The following MACROD2 variants were observed in gnomAD, a reference collection of about 807,000 sequenced individuals.
MACROD2 encodes the protein ADP-ribose glycohydrolase MACROD2.
In MACROD2, 36 loss-of-function variants were observed where a neutral mutation model predicts 70.4. That is an observed-to-expected ratio of 0.51 (90% confidence interval 0.39 to 0.68). MACROD2 has a LOEUF of 0.68. MACROD2 is among the 30% of genes least tolerant of loss of function. MACROD2 has a pLI of 0.00. For missense variants in MACROD2, 496 were observed against 538.4 expected, an observed-to-expected ratio of 0.92 and a Z score of 0.78; for synonymous variants, 172 against 178.8, an observed-to-expected ratio of 0.96 and a Z score of 0.30.
At chr20:14,711,147 T>G (rs1336813029) in intron 5 of MACROD2, among the ~76,000 whole-genome samples, 2 of 152,224 alleles carry the variant, frequency 1.3e-5, no homozygotes, top group Admixed American at 1.3e-4. Flanking sequence ...AGAAAGTTGC[T>G]CAGATTGCTC....
At chr20:15,819,146 C>T (rs1293115548) in intron 8 of MACROD2, among the ~76,000 whole-genome samples, 2 of 149,404 alleles carry the variant, frequency 1.3e-5, no homozygotes, top group Admixed American at 1.3e-4. Flanking sequence ...CTGAAAACAA[C>T]CTGTAAATTG....
At chr20:14,197,273 G>A (rs952535873) in intron 3 of MACROD2, among the ~76,000 whole-genome samples, 1 of 152,174 alleles carries the variant, frequency 6.6e-6, no homozygotes, top group African/African-American at 2.4e-5. Flanking sequence ...AGGAAAAGTA[G>A]CCTGGATAAT....
chr20:15,484,697 T>C (rs2047142669), intron 7 of MACROD2, among the ~76,000 whole-genome samples: 1 of 152,196 alleles, frequency 6.6e-6, no homozygotes, highest in South Asian at 2.1e-4. Context: ...TTCTCTAATA[T>C]TCATTGTGAG....
intron 4 of MACROD2, among the ~76,000 whole-genome samples, chr20:14,658,865 C>T (rs1170330422): frequency 2.0e-5 from 3 of 152,164 alleles, no homozygotes; most frequent in South Asian, 2.1e-4. Flanking sequence ...CCACATGCCT[C>T]GGCCTCCCAG....
rs76913684 is a variant in MACROD2 at position 15,355,878 on chromosome 20, C to A, written c.541-75527C>A. 7.9e-3 allele frequency among the ~76,000 whole-genome samples: 1,204 copies of A among 152,090 alleles called. 24 individuals are homozygous for A. The highest frequency in any genetic ancestry group is 0.028 in the African/African-American group (1,141 of 41,474). ...TTTTATTCTTGTGCAAGCATTAGGC[C>A]CCTATAAAATAATTATGATCTAATA... On this transcript the variant is annotated intron_variant, in intron 6 of 17. Coordinates refer to ENST00000684519, the MANE Select transcript of MACROD2 (RefSeq NM_001351661.2).
chr20:15,153,315 GGTT>G (rs1358214906), intron 5 of MACROD2, among the ~76,000 whole-genome samples: 1 of 152,054 alleles, frequency 6.6e-6, no homozygotes, highest in Non-Finnish European at 1.5e-5. Context: ...GAAAAAGGGG[GGTT>G]GTTCTCTGGC....
intron 5 of MACROD2, among the ~76,000 whole-genome samples, chr20:15,040,377 A>G (rs1251213028): frequency 6.6e-6 from 1 of 150,588 alleles, no homozygotes; most frequent in Non-Finnish European, 1.5e-5. Flanking sequence ...GGCTGGGTCC[A>G]CTCCTTCCTT....
intron 8 of MACROD2, among the ~76,000 whole-genome samples, chr20:15,683,050 A>G (rs1370186087): frequency 6.6e-6 from 1 of 152,232 alleles, no homozygotes; most frequent in Non-Finnish European, 1.5e-5. Flanking sequence ...GAGATTGATG[A>G]ACAATTTTCG....
chr20:15,711,936 G>A (rs1310729186), intron 8 of MACROD2, among the ~76,000 whole-genome samples: 1 of 152,068 alleles, frequency 6.6e-6, no homozygotes, highest in Non-Finnish European at 1.5e-5. Context: ...TGGGTTTCAA[G>A]CATTTGATTT....
intron 4 of MACROD2, chr20:14,626,959 G>A (rs1984206969): frequency 1.3e-5 from 2 of 152,172 alleles, no homozygotes; most frequent in African/African-American, 2.4e-5. Flanking sequence ...AATTGGCAAG[G>A]GATAGTAGAG....
intron 4 of MACROD2, among the ~76,000 whole-genome samples, chr20:14,530,997 T>A (rs1376687801): frequency 1.3e-5 from 2 of 152,238 alleles, no homozygotes; most frequent in East Asian, 3.9e-4. Context: ...TATTCTTTTG[T>A]TATTTTCTCT....
chr20:14,982,195 G>A (rs1211759308), intron 5 of MACROD2, among the ~76,000 whole-genome samples: 1 of 152,116 alleles, frequency 6.6e-6, no homozygotes, highest in African/African-American at 2.4e-5. Context: ...AGGGTATCTG[G>A]TGGAAGAAAT....
rs1239206096 is a variant in MACROD2 at position 15,300,400 on chromosome 20, AT to A, written c.540+70344del. 5.3e-5 allele frequency among the ~76,000 whole-genome samples: 8 copies of A among 151,962 alleles called. 1 individual carries two copies. The highest frequency in any genetic ancestry group is 2.9e-5 in the Non-Finnish European group (2 of 67,996). ...TTCAGAGTGTGGCCTGGGTTTGGGG[AT>A]TTTTAAAAGACTCCAGATGATTCCA... On this transcript the variant is annotated intron_variant, in intron 6 of 17. Transcript: ENST00000684519.
intron 8 of MACROD2, among the ~76,000 whole-genome samples, chr20:15,701,531 A>T (rs1297312526): frequency 2.0e-5 from 3 of 152,208 alleles, no homozygotes; most frequent in Non-Finnish European, 4.4e-5. Flanking sequence ...TTGCATGATT[A>T]AAATATCTCT....
intron 3 of MACROD2, among the ~76,000 whole-genome samples, chr20:14,462,446 T>A (rs1223266695): frequency 1.3e-5 from 2 of 151,972 alleles, no homozygotes; most frequent in South Asian, 2.1e-4. Context: ...CCTTTGTCAG[T>A]TGAGTAGATT....
At chr20:15,021,950 A>T (rs1366087889) in intron 5 of MACROD2, among the ~76,000 whole-genome samples, 1 of 152,104 alleles carries the variant, frequency 6.6e-6, no homozygotes, top group African/African-American at 2.4e-5. Flanking sequence ...AGTGTATGGG[A>T]ACTCTCTGTA....
At chr20:15,343,527 A>G (rs2423943) in intron 6 of MACROD2, among the ~76,000 whole-genome samples, 93,475 of 151,924 alleles carry the variant, frequency 0.62, 28,863 homozygotes, top group East Asian at 0.75. Flanking sequence ...TCTTTATGAA[A>G]CCAAACACTG....
intron 1 of MACROD2, among the ~76,000 whole-genome samples, chr20:13,996,903 A>G (rs867854209): frequency 5.9e-5 from 9 of 152,208 alleles, no homozygotes; most frequent in African/African-American, 2.2e-4. Context: ...AGGGGTGACT[A>G]GGTATCAAGT....
chr20:15,317,489 C>A (rs1349589447), intron 6 of MACROD2, among the ~76,000 whole-genome samples: 1 of 130,976 alleles, frequency 7.6e-6, no homozygotes, highest in Non-Finnish European at 1.7e-5. Context: ...TCTAATCTAT[C>A]TATCTATCTA....
Sources: allele counts gnomAD v4.1 joint callset (sites outside exome capture counted in the v4.1 genomes callset), GRCh38; gene constraint gnomAD v4.1.1; transcripts MANE v1.5; gene names NCBI Gene and HGNC (gene_info 2026-07-23, HGNC 2026-07-21).